The following DDX52 variants were observed in gnomAD, a reference collection of about 807,000 sequenced individuals.
DDX52 encodes the protein DExD-box helicase 52, also known as probable ATP-dependent RNA helicase DDX52.
A neutral mutation model predicts 76.1 loss-of-function variants in DDX52; 59 were observed. The observed-to-expected ratio is 0.78, with a 90% CI of 0.63 to 0.96. The LOEUF is 0.96. DDX52 is among the 40% of genes least tolerant of loss of function. The pLI, the probability that DDX52 is intolerant of heterozygous loss-of-function variation, is 0.00. For missense variants in DDX52, 707 were observed against 703.9 expected, an observed-to-expected ratio of 1.00 and a Z score of -0.05; for synonymous variants, 231 against 244.1, an observed-to-expected ratio of 0.95 and a Z score of 0.50.
At chr17:37,619,319 C>T (rs1443293923) in intron 13 of DDX52, among the ~76,000 whole-genome samples, 1 of 151,964 alleles carries the variant, frequency 6.6e-6, no homozygotes, top group Non-Finnish European at 1.5e-5. Flanking sequence ...GCAGAGGTTG[C>T]AATGAGCTGA....
At chr17:37,626,958 GGA>G in intron 6 of DDX52, 98 bp from the exon 7 acceptor site, 4 of 922,938 alleles carry the variant, frequency 4.3e-6, no homozygotes, top group Non-Finnish European at 6.8e-6. Context: ...ACCTGAAGTG[GGA>G]AGTAGTCATA....
At chr17:37,633,166 G>T (rs969940457) in intron 3 of DDX52, 122 bp downstream of exon 3, 1 of 1,087,246 alleles carries the variant, frequency 9.2e-7, no homozygotes. Flanking sequence ...CTAAATGAAT[G>T]TAATTAACCT....
At chr17:37,621,367 T>A (rs1183297576) in intron 10 of DDX52, 31 bp downstream of exon 10, 1 of 1,600,454 alleles carries the variant, frequency 6.2e-7, no homozygotes, top group Non-Finnish European at 8.5e-7. Context: ...AAGTAGTTCT[T>A]CTGAGTTTCA....
At chr17:37,626,958 G>T in intron 6 of DDX52, 98 bp from the exon 7 acceptor site, 1 of 922,952 alleles carries the variant, frequency 1.1e-6, no homozygotes, top group East Asian at 2.5e-5. Context: ...ACCTGAAGTG[G>T]GAAGTAGTCA....
intron 8 of DDX52, 27 bp downstream of exon 8, chr17:37,625,868 T>C: frequency 3.1e-6 from 5 of 1,611,920 alleles, no homozygotes; most frequent in South Asian, 1.1e-5. Flanking sequence ...AAAATCAGTG[T>C]GATAATGTTG....
chr17:37,636,855 G>A (rs977788743), intron 2 of DDX52, among the ~76,000 whole-genome samples: 3 of 152,330 alleles, frequency 2.0e-5, no homozygotes, highest in African/African-American at 7.2e-5. Flanking sequence ...GAAGAGGACT[G>A]TTGATTAACA....
chr17:37,633,189 A>C (rs1266455723), intron 3 of DDX52, 99 bp downstream of exon 3: 2 of 1,286,882 alleles, frequency 1.6e-6, no homozygotes, highest in Non-Finnish European at 2.0e-6. Context: ...TATCTTAACA[A>C]AACTATATTC....
intron 2 of DDX52, among the ~76,000 whole-genome samples, chr17:37,640,135 C>A (rs1437393279): frequency 3.3e-5 from 5 of 152,166 alleles, no homozygotes; most frequent in Non-Finnish European, 5.9e-5. Flanking sequence ...CTCTGCAATT[C>A]CACTTCTAAG....
intron 2 of DDX52, among the ~76,000 whole-genome samples, chr17:37,640,687 GAAAA>G (rs11432784): frequency 0.073 from 7,470 of 101,726 alleles, 434 homozygotes; most frequent in East Asian, 0.34. Flanking sequence ...TACAGTACAA[GAAAA>G]AAAAAAAAAA....
At chr17:37,637,762 C>T (rs981677369) in intron 2 of DDX52, among the ~76,000 whole-genome samples, 7 of 151,638 alleles carry the variant, frequency 4.6e-5, no homozygotes, top group African/African-American at 9.7e-5. Context: ...TTAGTAGAGA[C>T]GGGATTTCAC....
Position 37,632,163 on chromosome 17 carries a change from A to G in DDX52, c.553T>C (p.Phe185Leu). 1 of 1,613,522 alleles carries G rather than the reference A, an allele frequency of 6.2e-7. No homozygotes were observed. The highest frequency in any genetic ancestry group is 8.5e-7 in the Non-Finnish European group (1 of 1,179,904). The change falls in exon 4 of 15, where the codon TTC becomes CTC. Residue 185 changes from phenylalanine to leucine, a missense_variant. Transcript: ENST00000617633. ...RLLQNILDAGFQMPTPIQMQA... is the reference protein window; with the variant it reads ...RLLQNILDAGLQMPTPIQMQA... ...ATTTGGATTGGCGTAGGCATTTGGA[A>G]ACCTGCATCTAGAATGTTCTGAAGT...
chr17:37,624,494 T>C (rs1344667305), intron 8 of DDX52, 60 bp from the exon 9 acceptor site: 12 of 1,331,298 alleles, frequency 9.0e-6, no homozygotes, highest in Non-Finnish European at 1.2e-5. Flanking sequence ...TCCCCTGAAC[T>C]CTAAATAAAT....
At chr17:37,635,268 A>G (rs1395943906) in intron 2 of DDX52, among the ~76,000 whole-genome samples, 1 of 152,050 alleles carries the variant, frequency 6.6e-6, no homozygotes, top group Non-Finnish European at 1.5e-5. Flanking sequence ...TATTTAAAGT[A>G]TCTAATTTGC....
intron 2 of DDX52, among the ~76,000 whole-genome samples, chr17:37,640,455 T>G (rs1456207095): frequency 6.7e-6 from 1 of 149,598 alleles, no homozygotes; most frequent in East Asian, 1.9e-4. Context: ...GGAGTATTTG[T>G]TTTTTTTTGA....
intron 2 of DDX52, 66 bp downstream of exon 2, chr17:37,642,044 G>A (rs2031224504): frequency 6.3e-7 from 1 of 1,588,894 alleles, no homozygotes; most frequent in Non-Finnish European, 8.6e-7. Context: ...GTAGCCATAA[G>A]CCTGTATTAT....
chr17:37,630,349 C>T (rs140626630), intron 4 of DDX52, among the ~76,000 whole-genome samples, 176 bp from the exon 5 acceptor site: 1 of 152,316 alleles, frequency 6.6e-6, no homozygotes, highest in Non-Finnish European at 1.5e-5. Flanking sequence ...ATCACCCCAA[C>T]AAAGTTTCTG....
intron 4 of DDX52, chr17:37,631,831 T>C (rs982606971): frequency 1.1e-5 from 5 of 469,308 alleles, no homozygotes; most frequent in African/African-American, 2.0e-5. Context: ...ACAAAGTAGT[T>C]TAAAATGTAA....
At chr17:37,631,768 C>G (rs147973157) in intron 4 of DDX52, 66 of 252,342 alleles carry the variant, frequency 2.6e-4, no homozygotes, top group African/African-American at 1.3e-3. Context: ...TCCCCATTCT[C>G]CAAGGGGTTA....
intron 2 of DDX52, chr17:37,635,692 A>G (rs118055772): frequency 4.4e-6 from 2 of 452,946 alleles, no homozygotes; most frequent in East Asian, 1.4e-4. Context: ...CTGAAGATGT[A>G]TATTTTCCTG....
Sources: gnomAD v4.1 joint callset for allele counts (sites outside exome capture counted in the v4.1 genomes callset) on GRCh38, gnomAD v4.1.1 for gene constraint, MANE v1.5 for transcripts, NCBI Gene and HGNC (gene_info 2026-07-23, HGNC 2026-07-21) for gene names.